BCKDHA: variants seen among roughly 807,000 people sequenced by gnomAD.
BCKDHA encodes branched chain keto acid dehydrogenase E1 subunit alpha, also known as 2-oxoisovalerate dehydrogenase subunit alpha, mitochondrial.
Under a neutral mutation model 52.2 loss-of-function variants are expected in BCKDHA, and 43 were observed. The ratio of observed to expected loss-of-function variants is 0.82; its 90% CI spans 0.64 to 1.06. BCKDHA has a LOEUF of 1.06. BCKDHA is among the 50% of genes least tolerant of loss of function. The pLI is 0.00. For synonymous variants in BCKDHA, 234 were observed against 247.9 expected, an observed-to-expected ratio of 0.94 and a Z score of 0.53; for missense variants, 527 against 621.3, an observed-to-expected ratio of 0.85 and a Z score of 1.61.
At chr19:41,411,667 G>T (rs960564378) in intron 3 of BCKDHA, among the ~76,000 whole-genome samples, 4 of 152,188 alleles carry the variant, frequency 2.6e-5, no homozygotes, top group Non-Finnish European at 5.9e-5. Context: ...GGGAGACTGA[G>T]AAATGTATTA....
chr19:41,398,761 G>C (rs1350500937), intron 1 of BCKDHA, among the ~76,000 whole-genome samples: 1 of 152,206 alleles, frequency 6.6e-6, no homozygotes, highest in East Asian at 1.9e-4. Flanking sequence ...AACTACAGTT[G>C]ACAGATAGGA....
chr19:41,417,920 CAAAA>C (rs72299612), intron 4 of BCKDHA, among the ~76,000 whole-genome samples: 1 of 129,032 alleles, frequency 7.8e-6, no homozygotes, highest in Non-Finnish European at 1.7e-5. Context: ...AACTCCGTCT[CAAAA>C]AAAAAAAAAG....
At chr19:41,398,572 G>A (rs1250773637) in intron 1 of BCKDHA, among the ~76,000 whole-genome samples, 2 of 152,170 alleles carry the variant, frequency 1.3e-5, no homozygotes, top group African/African-American at 4.8e-5. Context: ...GAGGGAGAGA[G>A]GTACAGACAG....
intron 1 of BCKDHA, among the ~76,000 whole-genome samples, chr19:41,404,733 A>ACTCAG (rs1347300816): frequency 6.6e-6 from 1 of 152,094 alleles, no homozygotes; most frequent in African/African-American, 2.4e-5. Flanking sequence ...AGCTGGGACT[A>ACTCAG]TAGGTGCGTG....
In BCKDHA at chr19:41,397,955, G is replaced by C. The variant is rs2039094310; in HGVS notation, c.108+20G>C. 1 of 1,609,364 alleles carries C rather than the reference G, an allele frequency of 6.2e-7. No individual in the cohort carries two copies. ...AGATCTGTGAGTACCTGGGCCCCAG[G>C]CGGTTTTCCCAAAGGGGATTAGGGA... is the stretch of plus-strand genomic sequence containing the variant. On this transcript the variant is annotated intron_variant, in intron 1 of 8. Transcript: ENST00000269980.
At chr19:41,412,376 A>ATTTGTTTTTTTTTTTTTT (rs1199996566) in intron 3 of BCKDHA, among the ~76,000 whole-genome samples, 1 of 46,390 alleles carries the variant, frequency 2.2e-5, no homozygotes, top group Non-Finnish European at 4.3e-5. Context: ...GTCTGTAGAT[A>ATTTGTTTTTTTTTTTTTT]TTTCTTTTTT....
chr19:41,420,901 G>A (rs773916050), intron 5 of BCKDHA, among the ~76,000 whole-genome samples: 1 of 152,252 alleles, frequency 6.6e-6, no homozygotes, highest in African/African-American at 2.4e-5. Flanking sequence ...GGGGCCTGTA[G>A]CCTGATCTAG....
chr19:41,407,438 T>G (rs1166539258), intron 1 of BCKDHA, among the ~76,000 whole-genome samples: 1 of 152,130 alleles, frequency 6.6e-6, no homozygotes, highest in Non-Finnish European at 1.5e-5. Context: ...GTCTCTGCCT[T>G]CCTGGGATTG....
At chr19:41,422,964 C>T in intron 7 of BCKDHA, 34 bp from the exon 8 acceptor site, 1 of 1,601,046 alleles carries the variant, frequency 6.2e-7, no homozygotes, top group Non-Finnish European at 8.5e-7. Context: ...TCCAGGGAGC[C>T]CACACTGACC....
At chr19:41,402,516 G>C (rs2039149022) in intron 1 of BCKDHA, among the ~76,000 whole-genome samples, 1 of 152,164 alleles carries the variant, frequency 6.6e-6, no homozygotes, top group Non-Finnish European at 1.5e-5. Context: ...GAGAGGTGAG[G>C]TCTGAACTTG....
intron 3 of BCKDHA, among the ~76,000 whole-genome samples, chr19:41,412,616 G>T (rs145088243): frequency 6.6e-6 from 1 of 151,674 alleles, no homozygotes. Context: ...TACCTCAGGT[G>T]ATCTGCCTGC....
rs1425177772 is a variant in BCKDHA, at chr19:41,402,147, T to A, written c.108+4212T>A. Among the ~76,000 whole-genome samples the A allele has an allele frequency of 2.0e-5, 3 of 152,176 alleles. No homozygotes were observed. The East Asian group carries it at 5.8e-4, about 29-fold the overall frequency. The stretch of plus-strand genomic sequence containing the variant: ...CAGATCTCGTGAGACTTATTCAGTA[T>A]AATGAGAACAGCACGTGAAAGATCC... On this transcript the variant is annotated intron_variant, in intron 1 of 8. Transcript: ENST00000269980.
At chr19:41,421,107 G>A (rs184493283) in intron 5 of BCKDHA, among the ~76,000 whole-genome samples, 28 of 152,284 alleles carry the variant, frequency 1.8e-4, no homozygotes, top group Non-Finnish European at 1.5e-4. Context: ...CTCAGAGGAG[G>A]GGGCATTTAG....
At chr19:41,403,540 C>T (rs2039159884) in intron 1 of BCKDHA, among the ~76,000 whole-genome samples, 1 of 152,230 alleles carries the variant, frequency 6.6e-6, no homozygotes, top group Non-Finnish European at 1.5e-5. Context: ...CCCAGGGCGC[C>T]AGGCTTTCTT....
intron 1 of BCKDHA, 80 bp downstream of exon 1, chr19:41,398,015 A>AGATAGCCTTTACATCCCTAATCCCCTTTG: frequency 8.3e-7 from 1 of 1,203,268 alleles, no homozygotes; most frequent in Non-Finnish European, 1.2e-6. Flanking sequence ...GGGTCCCTGA[A>AGATAGCCTTTACATCCCTAATCCCCTTTG]GGATATGAAG....
At chr19:41,424,098 C>A (rs1348447523) in intron 8 of BCKDHA, among the ~76,000 whole-genome samples, 2 of 152,118 alleles carry the variant, frequency 1.3e-5, no homozygotes, top group African/African-American at 2.4e-5. Flanking sequence ...GTCATTAGGA[C>A]CCAGGGCCCG....
At chr19:41,416,784 T>A (rs1409024724) in intron 4 of BCKDHA, among the ~76,000 whole-genome samples, 1 of 151,218 alleles carries the variant, frequency 6.6e-6, no homozygotes, top group Non-Finnish European at 1.5e-5. Context: ...CCAGGCGTGG[T>A]GGTGCACACC....
intron 1 of BCKDHA, among the ~76,000 whole-genome samples, chr19:41,401,426 G>T (rs1457052812): frequency 1.3e-5 from 2 of 152,150 alleles, no homozygotes; most frequent in African/African-American, 4.8e-5. Flanking sequence ...TCAGGGAAAG[G>T]TTGAGAGGCT....
chr19:41,407,523 G>A (rs1403422931), intron 1 of BCKDHA, among the ~76,000 whole-genome samples: 1 of 152,168 alleles, frequency 6.6e-6, no homozygotes, highest in Non-Finnish European at 1.5e-5. Context: ...GTACTCAGAA[G>A]GGGGAAGCAC....
Sources: allele counts gnomAD v4.1 joint callset (sites outside exome capture counted in the v4.1 genomes callset), GRCh38; gene constraint gnomAD v4.1.1; transcripts MANE v1.5; gene names NCBI Gene and HGNC (gene_info 2026-07-23, HGNC 2026-07-21).